Variants in SETBP1 observed in about 807,000 individuals in gnomAD.
SETBP1 encodes the protein SET binding protein 1.
In SETBP1, 9 loss-of-function variants were observed where a neutral mutation model predicts 101.0. That is an observed-to-expected ratio of 0.09 (90% CI 0.05 to 0.16). SETBP1 has a LOEUF of 0.16. Ranked by LOEUF, SETBP1 falls within the 10% of genes least tolerant of loss-of-function variation. SETBP1 has a pLI of 1.00. For missense variants in SETBP1, 1,858 were observed against 2,033.8 expected (o/e 0.91, Z 1.66); for synonymous variants, 818 against 788.5 (o/e 1.04, Z -0.63).
intron 2 of SETBP1, among the ~76,000 whole-genome samples, chr18:44,859,158 G>A (rs1453422596): frequency 6.6e-6 from 1 of 152,190 alleles, no homozygotes; most frequent in Non-Finnish European, 1.5e-5. Flanking sequence ...TCATAGCAGT[G>A]TATAGTACAA....
At chr18:44,771,246 T>A (rs550633871) in intron 2 of SETBP1, among the ~76,000 whole-genome samples, 2 of 146,252 alleles carry the variant, frequency 1.4e-5, no homozygotes, top group Non-Finnish European at 3.0e-5. Flanking sequence ...ATGGTAGGAT[T>A]GAGAGTGAGA....
intron 2 of SETBP1, among the ~76,000 whole-genome samples, chr18:44,782,376 A>G (rs1303350811): frequency 6.6e-6 from 1 of 152,052 alleles, no homozygotes; most frequent in Non-Finnish European, 1.5e-5. Flanking sequence ...GGTTTTGGGG[A>G]AAAATATAGA....
chr18:44,991,099 G>A (rs940355192), intron 4 of SETBP1, among the ~76,000 whole-genome samples: 7 of 151,504 alleles, frequency 4.6e-5, no homozygotes, highest in African/African-American at 7.3e-5. Context: ...AAAATTAGCT[G>A]AGAGTGGTAG....
chr18:44,791,789 AT>A (rs1356084151), intron 2 of SETBP1, among the ~76,000 whole-genome samples: 6 of 152,202 alleles, frequency 3.9e-5, no homozygotes, highest in Non-Finnish European at 8.8e-5. Flanking sequence ...CTCCCTGGAC[AT>A]TTAGAATTTC....
intron 2 of SETBP1, among the ~76,000 whole-genome samples, chr18:44,773,125 G>T (rs145917525): frequency 2.0e-5 from 3 of 152,054 alleles, no homozygotes; most frequent in Admixed American, 6.6e-5. Flanking sequence ...TTGAATAAGG[G>T]TTCATAATTA....
At chr18:45,018,695 C>T (rs1164587988) in intron 4 of SETBP1, among the ~76,000 whole-genome samples, 1 of 152,184 alleles carries the variant, frequency 6.6e-6, no homozygotes, top group African/African-American at 2.4e-5. Context: ...TCCCATTTTA[C>T]AGACAGGGGA....
intron 4 of SETBP1, among the ~76,000 whole-genome samples, chr18:45,012,447 T>G (rs1341254204): frequency 6.6e-6 from 1 of 152,112 alleles, no homozygotes; most frequent in Non-Finnish European, 1.5e-5. Context: ...GAATAGTGAC[T>G]CATCCTGTGA....
chr18:44,710,630 T>C (rs942921781), intron 2 of SETBP1, among the ~76,000 whole-genome samples: 8 of 152,096 alleles, frequency 5.3e-5, no homozygotes, highest in Non-Finnish European at 1.2e-4. Flanking sequence ...TTTTGTATTT[T>C]TAGTAGAGAC....
intron 2 of SETBP1, among the ~76,000 whole-genome samples, chr18:44,709,410 T>C (rs1022491742): frequency 2.6e-5 from 4 of 152,250 alleles, no homozygotes; most frequent in Non-Finnish European, 5.9e-5. Context: ...TCAGATACCC[T>C]GATTCCAGGA....
At chr18:44,913,448 G>T (rs1241682652) in intron 3 of SETBP1, among the ~76,000 whole-genome samples, 1 of 152,194 alleles carries the variant, frequency 6.6e-6, no homozygotes, top group African/African-American at 2.4e-5. Context: ...ATGCAGTGAG[G>T]GTCCTGAGAA....
At chr18:44,816,005 A>G (rs1208188018) in intron 2 of SETBP1, among the ~76,000 whole-genome samples, 2 of 152,190 alleles carry the variant, frequency 1.3e-5, no homozygotes, top group Non-Finnish European at 2.9e-5. Context: ...TTGCTGAACA[A>G]TAGTGATTTG....
At chr18:44,829,069 A>G (rs1599185060) in intron 2 of SETBP1, among the ~76,000 whole-genome samples, 1 of 152,262 alleles carries the variant, frequency 6.6e-6, no homozygotes, top group Non-Finnish European at 1.5e-5. Flanking sequence ...AATGGAAAAG[A>G]GTGAAAAACA....
chr18:44,963,386 A>G (rs750721425), intron 4 of SETBP1, among the ~76,000 whole-genome samples: 1 of 152,196 alleles, frequency 6.6e-6, no homozygotes, highest in African/African-American at 2.4e-5. Context: ...TCTGTGCGCA[A>G]AGCCTTTAGC....
intron 3 of SETBP1, among the ~76,000 whole-genome samples, chr18:44,938,992 C>A (rs112116194): frequency 1.2e-3 from 180 of 147,750 alleles, no homozygotes; most frequent in African/African-American, 4.4e-3. Flanking sequence ...GTCTGTGTCT[C>A]TGTGCCTGTG....
chr18:44,777,422 CT>C (rs1486596438), intron 2 of SETBP1, among the ~76,000 whole-genome samples: 2 of 152,198 alleles, frequency 1.3e-5, no homozygotes, highest in Non-Finnish European at 2.9e-5. Context: ...TCAGCATTAA[CT>C]GTTAGATTGT....
intron 2 of SETBP1, among the ~76,000 whole-genome samples, chr18:44,707,467 A>G (rs17709496): frequency 0.022 from 3,381 of 152,132 alleles, 41 homozygotes; most frequent in Non-Finnish European, 0.034. Context: ...CTATTGGGAG[A>G]TCTTATTTCC....
Position 44,844,921 on chromosome 18 carries a change from C to T in SETBP1, c.487-24309C>T, listed in dbSNP as rs750610322. On this transcript the variant is annotated intron_variant, in intron 2 of 5. Transcript: ENST00000649279. ...TCTAGGAAAAGTTTGCTTTCAAACACGGTGTGCTATTCACATTCATGCTTG... is the reference window on the plus strand; with the variant it reads ...TCTAGGAAAAGTTTGCTTTCAAACATGGTGTGCTATTCACATTCATGCTTG... Among the ~76,000 whole-genome samples, 11 of 152,128 alleles carry T rather than the reference C, an allele frequency of 7.2e-5. No homozygotes were observed. In the South Asian group the frequency reaches 8.3e-4, roughly 12 times the overall value.
chr18:44,864,435 A>C (rs374686126), intron 2 of SETBP1, among the ~76,000 whole-genome samples: 2 of 152,084 alleles, frequency 1.3e-5, no homozygotes, highest in Middle Eastern at 3.2e-3. Context: ...CCCTGCCCTC[A>C]AGCTCAGAGA....
chr18:44,709,439 T>C (rs2069292716), intron 2 of SETBP1, among the ~76,000 whole-genome samples: 1 of 152,234 alleles, frequency 6.6e-6, no homozygotes, highest in South Asian at 2.1e-4. Context: ...TCTCTGCCTC[T>C]GGACAGAGAC....
Sources: allele counts gnomAD v4.1 joint callset (sites outside exome capture counted in the v4.1 genomes callset), GRCh38; gene constraint gnomAD v4.1.1; transcripts MANE v1.5; gene names NCBI Gene and HGNC (gene_info 2026-07-23, HGNC 2026-07-21).